Variants in TRIO observed in about 807,000 individuals in gnomAD.
The protein encoded by TRIO is trio Rho guanine nucleotide exchange factor.
A neutral mutation model predicts 351.9 loss-of-function variants in TRIO; 58 were observed. The observed-to-expected ratio is 0.16, with a 90% CI of 0.13 to 0.21. TRIO has a LOEUF of 0.21. Ranked by LOEUF, TRIO falls within the 10% of genes least tolerant of loss-of-function variation. TRIO has a pLI of 1.00. For missense variants in TRIO, 3,201 were observed against 4,027.8 expected (o/e 0.79, Z 5.56); for synonymous variants, 1,758 against 1,595.7 (o/e 1.10, Z -2.42).
chr5:14,372,090 G>T (rs1343806850), intron 18 of TRIO, among the ~76,000 whole-genome samples: 1 of 151,950 alleles, frequency 6.6e-6, no homozygotes, highest in Non-Finnish European at 1.5e-5. Flanking sequence ...TACGTTCCTC[G>T]GATTGAGGCA....
chr5:14,478,169 A>G (rs1002234947), intron 41 of TRIO, among the ~76,000 whole-genome samples: 3 of 152,258 alleles, frequency 2.0e-5, no homozygotes, highest in African/African-American at 7.2e-5. Context: ...AAGTGCAATT[A>G]AAGTGTTATG....
intron 34 of TRIO, among the ~76,000 whole-genome samples, chr5:14,451,538 G>A (rs981433665): frequency 4.6e-5 from 7 of 152,164 alleles, no homozygotes; most frequent in South Asian, 4.1e-4. Flanking sequence ...CTTGTATGGT[G>A]GAAGAACTTC....
rs545800709 is a variant in TRIO, at chr5:14,424,445, G to A, written c.5203+4424G>A. ...TGGTTCAGTACCTGCATTTTATTTC[G>A]AAGAAGTTCAGAGTATGAGTCATCT... is the stretch of plus-strand genomic sequence containing the variant. On this transcript the variant is annotated intron_variant, in intron 34 of 56. Transcript: ENST00000344204. Among the ~76,000 whole-genome samples the A allele has an allele frequency of 7.3e-4, 111 of 152,108 alleles. 3 individuals are homozygous for A. In the South Asian group the frequency reaches 0.022, roughly 30 times the overall value.
At chr5:14,399,224 A>C (rs1417505056) in intron 30 of TRIO, 154 bp downstream of exon 30, 13 of 738,968 alleles carry the variant, frequency 1.8e-5, no homozygotes, top group Non-Finnish European at 2.7e-5. Flanking sequence ...ATCTTCAGTG[A>C]AATTATTTCC....
chr5:14,172,595 A>G (rs944313717), intron 1 of TRIO, among the ~76,000 whole-genome samples: 2 of 152,206 alleles, frequency 1.3e-5, no homozygotes, highest in African/African-American at 4.8e-5. Flanking sequence ...GGTCACAATA[A>G]CAGGGGGGAT....
intron 1 of TRIO, among the ~76,000 whole-genome samples, chr5:14,232,799 C>A (rs1793528670): frequency 6.6e-6 from 1 of 152,134 alleles, no homozygotes. Context: ...TGTAAAAATA[C>A]ATGATATTGG....
chr5:14,155,713 G>A (rs1053065733), intron 1 of TRIO, among the ~76,000 whole-genome samples: 3 of 152,316 alleles, frequency 2.0e-5, no homozygotes, highest in Admixed American at 6.5e-5. Context: ...TTGGAGCATC[G>A]TGTCTGGGAA....
chr5:14,296,282 C>T (rs1737355423), intron 6 of TRIO, among the ~76,000 whole-genome samples: 1 of 152,200 alleles, frequency 6.6e-6, no homozygotes, highest in South Asian at 2.1e-4. Flanking sequence ...ACATGAACAA[C>T]AGCAACTTCG....
chr5:14,284,969 C>T (rs1736315059), intron 3 of TRIO, among the ~76,000 whole-genome samples: 1 of 152,116 alleles, frequency 6.6e-6, no homozygotes, highest in Admixed American at 6.5e-5. Context: ...CCTGGAGTTT[C>T]TGTGGAATGG....
chr5:14,233,502 A>G (rs1793588499), intron 1 of TRIO, among the ~76,000 whole-genome samples: 1 of 151,820 alleles, frequency 6.6e-6, no homozygotes, highest in African/African-American at 2.4e-5. Flanking sequence ...AAGAAAAAAA[A>G]AGGAATCATG....
At chr5:14,391,682 A>G (rs571089843) in intron 27 of TRIO, among the ~76,000 whole-genome samples, 2 of 152,228 alleles carry the variant, frequency 1.3e-5, no homozygotes, top group African/African-American at 2.4e-5. Context: ...ATAAGGTGCT[A>G]TTGAATAGTG....
intron 1 of TRIO, among the ~76,000 whole-genome samples, chr5:14,222,519 A>G (rs1166927257): frequency 2.0e-5 from 3 of 152,198 alleles, no homozygotes; most frequent in African/African-American, 4.8e-5. Context: ...TCTGAGACAA[A>G]CACTAAGAAT....
At chr5:14,312,441 TA>T (rs1370101085) in intron 8 of TRIO, among the ~76,000 whole-genome samples, 1 of 152,276 alleles carries the variant, frequency 6.6e-6, no homozygotes, top group East Asian at 1.9e-4. Flanking sequence ...AGTTTCTCTT[TA>T]TAAAATGTTA....
rs760728211 is a variant in TRIO at position 14,482,657 on chromosome 5, C to T, written c.6541C>T (p.Pro2181Ser). ...CACAGACCAAGATGCAGGACTTCTG[C>T]CTCGCTGCAGAGAGAGGCGCATCTT... Reference protein sequence around the residue: ...LVTDQDAGLLPRCRERRIFLF... With the variant: ...LVTDQDAGLLSRCRERRIFLF... The change falls in exon 46 of 57, where the codon CCT becomes TCT. Residue 2181 changes from proline to serine, a missense_variant. Physicochemically the swap from Pro to Ser is moderately conservative, Grantham distance 74 (BLOSUM62 -1). Transcript: ENST00000344204. The T allele has an allele frequency of 6.2e-7, 1 of 1,607,728 alleles. No individual in the cohort carries two copies. The highest frequency in any genetic ancestry group is 1.1e-5 in the South Asian group (1 of 90,420).
chr5:14,377,714 T>C (rs938735024), intron 19 of TRIO, among the ~76,000 whole-genome samples: 6 of 152,226 alleles, frequency 3.9e-5, no homozygotes, highest in African/African-American at 1.4e-4. Context: ...AAATTGTGCA[T>C]TATGTCGAAT....
At chr5:14,338,669 C>A (rs1371476326) in intron 11 of TRIO, among the ~76,000 whole-genome samples, 2 of 152,188 alleles carry the variant, frequency 1.3e-5, no homozygotes, top group Non-Finnish European at 2.9e-5. Flanking sequence ...GGGCAGGGAC[C>A]TGGGCAGGGA....
intron 1 of TRIO, among the ~76,000 whole-genome samples, chr5:14,155,455 G>A (rs867452945): frequency 9.2e-5 from 14 of 152,200 alleles, no homozygotes; most frequent in South Asian, 2.1e-4. Flanking sequence ...ATTGTCTCAG[G>A]ATTGTCCTTT....
At chr5:14,488,423 C>A in intron 48 of TRIO, 163 bp downstream of exon 48, 2 of 1,049,670 alleles carry the variant, frequency 1.9e-6, no homozygotes, top group Non-Finnish European at 1.3e-6. Flanking sequence ...GGCCGGCCCA[C>A]GGCGCTACTA....
intron 11 of TRIO, among the ~76,000 whole-genome samples, chr5:14,342,118 G>A (rs1175817374): frequency 6.6e-6 from 1 of 152,034 alleles, no homozygotes; most frequent in African/African-American, 2.4e-5. Context: ...AAAAGAGGGA[G>A]AAAGCCAGAG....
Sources: allele counts gnomAD v4.1 joint callset (sites outside exome capture counted in the v4.1 genomes callset), GRCh38; gene constraint gnomAD v4.1.1; transcripts MANE v1.5; gene names NCBI Gene and HGNC (gene_info 2026-07-23, HGNC 2026-07-21).